The following DMD variants were observed in gnomAD, a reference collection of about 807,000 sequenced individuals.
DMD encodes the protein mutant dystrophin.
A neutral mutation model predicts 330.1 loss-of-function variants in DMD; 63 were observed. The ratio of observed to expected loss-of-function variants is 0.19; its 90% CI spans 0.16 to 0.24. DMD has a LOEUF of 0.24. Ranked by LOEUF, DMD falls within the 10% of genes least tolerant of loss-of-function variation. The pLI, the probability that DMD is intolerant of heterozygous loss-of-function variation, is 1.00. For missense variants in DMD, 3,344 were observed against 2,684.1 expected, an observed-to-expected ratio of 1.25 and a Z score of -5.43; for synonymous variants, 1,223 against 959.8, an observed-to-expected ratio of 1.27 and a Z score of -5.07.
chrX:31,748,986 C>G (rs1461840136), intron 51 of DMD, among the ~76,000 whole-genome samples: 1 of 111,224 alleles, frequency 9.0e-6, no homozygotes, highest in African/African-American at 3.3e-5. Context: ...ATCATTTAAT[C>G]CCAACAACAA....
intron 51 of DMD, among the ~76,000 whole-genome samples, chrX:31,731,183 A>G (rs986692870): frequency 3.6e-5 from 4 of 112,193 alleles, no homozygotes; most frequent in Non-Finnish European, 7.5e-5. Context: ...GTGATTGCTC[A>G]GAAAAAAAAT....
rs2097172469 is a variant in DMD, at chrX:32,232,461, G to A, written c.6291-15398C>T. On this transcript the variant is annotated intron_variant, in intron 43 of 78. Transcript: ENST00000357033. ...ACTCCCTAGCCTGTATGTAACTGTG[G>A]GAGCAGGGCAGTTCCAGGATGACAC... Among the ~76,000 whole-genome samples the A allele has an allele frequency of 2.7e-5, 3 of 110,993 alleles. No individual in the cohort carries two copies. The Admixed American group carries it at 2.9e-4, about 11-fold the overall frequency.
chrX:31,659,879 T>G (rs1286015925), intron 53 of DMD, among the ~76,000 whole-genome samples: 3 of 110,971 alleles, frequency 2.7e-5, no homozygotes, highest in East Asian at 2.8e-4. Context: ...AAATTGAAAA[T>G]AATGCTTCTG....
intron 1 of DMD, among the ~76,000 whole-genome samples, chrX:33,312,429 C>T (rs1204843092): frequency 9.0e-6 from 1 of 111,189 alleles, no homozygotes; most frequent in African/African-American, 3.3e-5. Context: ...GGGAGCTGTA[C>T]AAATATATAA....
intron 17 of DMD, among the ~76,000 whole-genome samples, chrX:32,530,198 G>A (rs550180392): frequency 8.9e-6 from 1 of 112,060 alleles, no homozygotes; most frequent in South Asian, 3.7e-4. Context: ...TATATACTTA[G>A]TATGTTTAAA....
At chrX:31,326,666 A>C (rs148074754) in intron 61 of DMD, among the ~76,000 whole-genome samples, 104 of 110,193 alleles carry the variant, frequency 9.4e-4, no homozygotes, top group Middle Eastern at 9.3e-3. Context: ...TCACATACAC[A>C]CACACTGGAA....
chrX:31,503,750 G>A (rs1052784523), intron 56 of DMD, among the ~76,000 whole-genome samples: 2 of 111,051 alleles, frequency 1.8e-5, no homozygotes, highest in Admixed American at 9.6e-5. Flanking sequence ...GGGAGAGTGA[G>A]GAAATTGTTG....
intron 2 of DMD, among the ~76,000 whole-genome samples, chrX:33,002,973 T>C (rs1015161446): frequency 2.7e-5 from 3 of 109,968 alleles, no homozygotes; most frequent in African/African-American, 9.9e-5. Flanking sequence ...TACTTCCTTT[T>C]CCTAATTTTT....
intron 60 of DMD, among the ~76,000 whole-genome samples, chrX:31,377,603 T>C (rs1467126863): frequency 8.9e-6 from 1 of 112,188 alleles, no homozygotes; most frequent in Non-Finnish European, 1.9e-5. Context: ...ATTACCTGGG[T>C]TTGAATCTTG....
Position 32,448,566 on chromosome X carries a change from C to G in DMD, c.3676G>C (p.Ala1226Pro). The G allele has an allele frequency of 2.5e-6, 3 of 1,208,651 alleles. No homozygotes were observed. The highest frequency in any genetic ancestry group is 4.4e-5 in the Admixed American group (2 of 45,883). ...TCTTGTGCTACAGGTGGAGCTTGAG[C>G]TATGACACTATTTACAGACTCAGTA... is the stretch of plus-strand genomic sequence containing the variant. Reference protein sequence around the residue: ...LLTESVNSVIAQAPPVAQEAL... With the variant: ...LLTESVNSVIPQAPPVAQEAL... Residue 1226 changes from alanine to proline, a missense_variant, in exon 27 of 79, where the codon GCT becomes CCT. By Grantham distance (27) the Ala-to-Pro change is conservative. Transcript: ENST00000357033.
intron 1 of DMD, among the ~76,000 whole-genome samples, chrX:33,257,699 C>G (rs138057528): frequency 1.2e-3 from 137 of 111,137 alleles, no homozygotes; most frequent in African/African-American, 4.2e-3. Context: ...TGTTCAACTT[C>G]TATAAAATGG....
intron 1 of DMD, among the ~76,000 whole-genome samples, chrX:33,135,859 G>C (rs1346658658): frequency 8.9e-6 from 1 of 112,454 alleles, no homozygotes; most frequent in Non-Finnish European, 1.9e-5. Flanking sequence ...TATGTACCAA[G>C]TGCTAGTAAA....
At chrX:32,221,374 C>G (rs1360575557) in intron 43 of DMD, among the ~76,000 whole-genome samples, 1 of 110,357 alleles carries the variant, frequency 9.1e-6, no homozygotes, top group Non-Finnish European at 1.9e-5. Context: ...GTTATCTGCC[C>G]CAAATCATAG....
At chrX:32,230,583 T>C (rs2097165812) in intron 43 of DMD, among the ~76,000 whole-genome samples, 1 of 112,140 alleles carries the variant, frequency 8.9e-6, no homozygotes, top group African/African-American at 3.2e-5. Context: ...TATCATCTTT[T>C]AGTATGAAGA....
At chrX:31,392,483 G>C (rs1389868153) in intron 60 of DMD, among the ~76,000 whole-genome samples, 1 of 112,010 alleles carries the variant, frequency 8.9e-6, no homozygotes, top group Non-Finnish European at 1.9e-5. Flanking sequence ...AATATAGCCA[G>C]CACAAGTCCC....
intron 11 of DMD, among the ~76,000 whole-genome samples, chrX:32,632,195 T>C (rs892122607): frequency 8.9e-6 from 1 of 112,118 alleles, no homozygotes; most frequent in Admixed American, 9.4e-5. Flanking sequence ...AGTCATTAAA[T>C]CTTAAAACTC....
At chrX:31,710,725 A>T (rs1200165878) in intron 52 of DMD, among the ~76,000 whole-genome samples, 1 of 111,442 alleles carries the variant, frequency 9.0e-6, no homozygotes, top group Non-Finnish European at 1.9e-5. Flanking sequence ...TTTGTGTAGC[A>T]TGAATCAGTC....
intron 1 of DMD, among the ~76,000 whole-genome samples, chrX:33,167,923 A>G (rs1440459061): frequency 9.0e-6 from 1 of 111,350 alleles, no homozygotes; most frequent in Non-Finnish European, 1.9e-5. Flanking sequence ...AGATTAAATG[A>G]GTTAATATTT....
At chrX:32,618,275 TG>T (rs1295153366) in intron 11 of DMD, among the ~76,000 whole-genome samples, 1 of 112,164 alleles carries the variant, frequency 8.9e-6, no homozygotes. Flanking sequence ...TGCTTATCAG[TG>T]GTAAACTGGA....
Sources: allele counts gnomAD v4.1 joint callset (sites outside exome capture counted in the v4.1 genomes callset), GRCh38; gene constraint gnomAD v4.1.1; transcripts MANE v1.5; gene names NCBI Gene and HGNC (gene_info 2026-07-23, HGNC 2026-07-21).